Variants in MDN1 observed in about 807,000 individuals in gnomAD.
The protein encoded by MDN1 is midasin AAA ATPase 1.
Under a neutral mutation model 669.2 loss-of-function variants are expected in MDN1, and 266 were observed. That is an observed-to-expected ratio of 0.40 (90% CI 0.36 to 0.44). The LOEUF (loss-of-function observed/expected upper bound fraction) is 0.44, where lower values mean the gene tolerates loss of function less well. Ranked by LOEUF, MDN1 falls within the 20% of genes least tolerant of loss-of-function variation. MDN1 has a pLI of 1.00. For synonymous variants in MDN1, 2,385 were observed against 2,457.1 expected (o/e 0.97, Z 0.87); for missense variants, 5,940 against 6,754.0 (o/e 0.88, Z 4.22).
chr6:89,670,164 ATATATATTTTTTTT>A (rs1360784660), intron 83 of MDN1, among the ~76,000 whole-genome samples: 1 of 18,272 alleles, frequency 5.5e-5, no homozygotes, highest in African/African-American at 2.5e-4. Flanking sequence ...ATATATATAT[ATATATATTTTTTTT>A]TTTTTTTTTT....
At position 89,785,044 on chromosome 6, in the gene MDN1, G is replaced by C; in HGVS notation, c.1417C>G (p.Leu473Val). 1 of 1,613,840 alleles carries C rather than the reference G, an allele frequency of 6.2e-7. No individual in the cohort carries two copies. Among genetic ancestry groups the C allele is most frequent in the Non-Finnish European group, 8.5e-7 (1 of 1,179,764 alleles). Residue 473 changes from leucine (L) to valine (V), a missense_variant, in exon 9 of 102, where the codon CTG (leucine) becomes GTG (valine). Leu to Val is a conservative substitution (Grantham distance 32, BLOSUM62 1). Around this residue, in one of 5 missense-constraint regions of MDN1, gnomAD observed 1,203 missense variants for 1,268.9 expected, o/e 0.95. Transcript: ENST00000369393. ...AGTTCTCTCTTATCCAGGTTATCCA[G>C]GTGAATTTTGGTCCAATATTTGTCT... Reference protein sequence around the residue: ...LLDKYWTKIHLDNLDKRELNE... With the variant: ...LLDKYWTKIHVDNLDKRELNE...
chr6:89,684,672 C>T (rs548280292), intron 71 of MDN1, among the ~76,000 whole-genome samples: 9 of 152,284 alleles, frequency 5.9e-5, no homozygotes, highest in African/African-American at 1.9e-4. Flanking sequence ...TGACTGGCCA[C>T]TCCACCAATC....
intron 68 of MDN1, 74 bp from the exon 69 acceptor site, chr6:89,687,097 T>C: frequency 1.3e-6 from 2 of 1,576,842 alleles, no homozygotes; most frequent in Non-Finnish European, 8.6e-7. Flanking sequence ...ATGCAGAAGC[T>C]ACATGCTCAC....
intron 53 of MDN1, among the ~76,000 whole-genome samples, chr6:89,702,679 C>T (rs1813235625): frequency 6.6e-6 from 1 of 152,148 alleles, no homozygotes; most frequent in Non-Finnish European, 1.5e-5. Context: ...GTTTTGTTAG[C>T]AGTTTTTCCC....
In MDN1 at chr6:89,692,791, C is replaced by T. The variant is rs1812465533; in HGVS notation, c.10239G>A (p.Leu3413=). ...GTGAGGTGTGGAGCTCAGAGGCCACCAGCCTCATGCCATGTTGTAACTGCA... is the reference window on the plus strand; with the variant it reads ...GTGAGGTGTGGAGCTCAGAGGCCACTAGCCTCATGCCATGTTGTAACTGCA... The part of the protein sequence containing the change: ...SILQLQHGMR[L]VASELHTSLH... Residue 3413 remains leucine (L), a synonymous_variant, in exon 63 of 102, where the codon CTG becomes CTA. Transcript: ENST00000369393. 1 of 1,614,008 alleles carries T rather than the reference C, an allele frequency of 6.2e-7. No homozygotes were observed.
At position 89,743,294 on chromosome 6, in the gene MDN1, A is replaced by C. The variant is rs768997869; in HGVS notation, c.4318-14T>G. On this transcript the variant is annotated splice_polypyrimidine_tract_variant and intron_variant, in intron 30 of 101. Transcript: ENST00000369393. ...GTCAATTTCTTCCTATAATTTGAAA[A>C]AGTGGGGAAAATTAAAGGGCAGGTG... 3.1e-6 allele frequency: 5 copies of C among 1,613,954 alleles called. No homozygotes were observed. In the South Asian group the frequency reaches 5.5e-5, roughly 18 times the overall value.
chr6:89,684,423 G>A (rs1811866776), intron 71 of MDN1, among the ~76,000 whole-genome samples: 1 of 150,624 alleles, frequency 6.6e-6, no homozygotes, highest in Admixed American at 6.6e-5. Flanking sequence ...TGCTGCTACA[G>A]TCATTAAGTC....
intron 15 of MDN1, among the ~76,000 whole-genome samples, chr6:89,767,221 T>C (rs919982992): frequency 1.3e-5 from 2 of 152,166 alleles, no homozygotes; most frequent in South Asian, 4.1e-4. Flanking sequence ...TACATGCTGC[T>C]TACCAGAAGC....
At chr6:89,718,285 A>C in intron 43 of MDN1, 81 bp downstream of exon 43, 1 of 1,396,802 alleles carries the variant, frequency 7.2e-7, no homozygotes, top group Non-Finnish European at 9.7e-7. Context: ...TTAATACAAA[A>C]CATTTGTAAA....
chr6:89,724,180 T>C (rs1012380469), intron 38 of MDN1, among the ~76,000 whole-genome samples: 1 of 152,134 alleles, frequency 6.6e-6, no homozygotes, highest in Non-Finnish European at 1.5e-5. Flanking sequence ...TATTAAAAAT[T>C]TCCTATGTAT....
intron 35 of MDN1, among the ~76,000 whole-genome samples, chr6:89,730,095 T>C (rs554227539): frequency 3.9e-5 from 6 of 152,170 alleles, no homozygotes; most frequent in Middle Eastern, 3.2e-3. Context: ...TAGAAGCACC[T>C]TAGAAGTAGC....
At position 89,685,975 on chromosome 6, in the gene MDN1, T is replaced by C; in HGVS notation, c.11573-2A>G. On this transcript the variant is annotated splice_acceptor_variant, in intron 69 of 101. Transcript: ENST00000369393. LOFTEE classifies it high-confidence loss of function. ...ACATCAAGGTCATCTGTTTGTCATC[T>C]TTAAAAATTCAAAGAGAAAAATATA... The C allele has an allele frequency of 6.2e-7, 1 of 1,607,684 alleles. No individual in the cohort carries two copies. Among genetic ancestry groups the C allele is most frequent in the East Asian group, 2.2e-5 (1 of 44,838 alleles).
chr6:89,675,077 A>G (rs533420104), intron 78 of MDN1, among the ~76,000 whole-genome samples: 11 of 152,148 alleles, frequency 7.2e-5, no homozygotes, highest in Non-Finnish European at 1.6e-4. Flanking sequence ...GCAGACTCAA[A>G]TCTCATCGGT....
In MDN1 at chr6:89,670,254, A is replaced by C. The variant is rs1167356555; in HGVS notation, c.13956+665T>G. Among the ~76,000 whole-genome samples the C allele has an allele frequency of 2.2e-5, 3 of 138,718 alleles. No individual in the cohort carries two copies. The East Asian group carries it at 6.8e-4, about 31-fold the overall frequency. 91.0% of individuals were successfully genotyped at this position (138,718 alleles called of 152,430 possible). ...AATGGCATGATTTTGGCTCACTGCA[A>C]CCTCCGCCTCCCCGGGTTCAAACAA... On this transcript the variant is annotated intron_variant, in intron 83 of 101. Coordinates refer to ENST00000369393, the MANE Select transcript of MDN1 (RefSeq NM_014611.3).
At chr6:89,649,224 A>G (rs1383717138) in intron 97 of MDN1, among the ~76,000 whole-genome samples, 1 of 152,236 alleles carries the variant, frequency 6.6e-6, no homozygotes, top group Non-Finnish European at 1.5e-5. Context: ...TTCTACATCT[A>G]TTATTTCATT....
At chr6:89,740,470 T>G in intron 31 of MDN1, 92 bp from the exon 32 acceptor site, 2 of 1,244,702 alleles carry the variant, frequency 1.6e-6, no homozygotes, top group African/African-American at 1.6e-5. Context: ...AAAAAAGTTA[T>G]CTTCTTTCTA....
intron 97 of MDN1, among the ~76,000 whole-genome samples, chr6:89,649,301 A>T (rs910987410): frequency 6.6e-6 from 1 of 152,236 alleles, no homozygotes; most frequent in Non-Finnish European, 1.5e-5. Context: ...AAATATATAT[A>T]TTCCTCACTT....
chr6:89,700,946 T>C, intron 55 of MDN1, 90 bp from the exon 56 acceptor site: 3 of 1,067,122 alleles, frequency 2.8e-6, no homozygotes, highest in South Asian at 1.6e-5. Flanking sequence ...AAATTTATGA[T>C]ATATTCTTAA....
chr6:89,771,537 A>T, intron 15 of MDN1, 24 bp downstream of exon 15: 1 of 1,596,728 alleles, frequency 6.3e-7, no homozygotes, highest in Non-Finnish European at 8.6e-7. Flanking sequence ...CAAAAATAAG[A>T]AAAAAATTTT....
Sources: gnomAD v4.1 joint callset for allele counts (sites outside exome capture counted in the v4.1 genomes callset) on GRCh38, gnomAD v4.1.1 for gene constraint, gnomAD v4.1.1 regional missense constraint, MANE v1.5 for transcripts, NCBI Gene and HGNC (gene_info 2026-07-23, HGNC 2026-07-21) for gene names.